Variants in HUWE1 observed in about 807,000 individuals in gnomAD.
HUWE1 encodes HECT, UBA and WWE domain containing E3 ubiquitin protein ligase 1, also known as E3 ubiquitin-protein ligase HUWE1.
In HUWE1, 18 loss-of-function variants were observed where a neutral mutation model predicts 299.4. The observed-to-expected ratio is 0.06, with a 90% CI of 0.04 to 0.09. The LOEUF (loss-of-function observed/expected upper bound fraction) is 0.09. Among genes scored for constraint, HUWE1 ranks in the 10% least tolerant of loss-of-function variants. The pLI is 1.00. For synonymous variants in HUWE1, 1,317 were observed against 1,286.1 expected (o/e 1.02, Z -0.51); for missense variants, 1,832 against 3,462.3 (o/e 0.53, Z 11.82).
chrX:53,663,624 C>T (rs983937003), intron 3 of HUWE1, among the ~76,000 whole-genome samples: 4 of 111,473 alleles, frequency 3.6e-5, no homozygotes, highest in Non-Finnish European at 5.7e-5. Flanking sequence ...CAAGTGGCTG[C>T]AAACTGTCTT....
At chrX:53,578,924 G>A (rs1556963182) in intron 43 of HUWE1, among the ~76,000 whole-genome samples, 3 of 73,797 alleles carry the variant, frequency 4.1e-5, no homozygotes, top group East Asian at 9.6e-4. Context: ...CCCCCCGCCT[G>A]GCCAGCCGCC....
chrX:53,655,346 T>C (rs994481496), intron 3 of HUWE1, among the ~76,000 whole-genome samples: 1 of 111,340 alleles, frequency 9.0e-6, no homozygotes, highest in African/African-American at 3.3e-5. Context: ...AAATAGCGTG[T>C]ATTTGCCTGT....
In HUWE1 at chrX:53,568,780, T is replaced by C; in HGVS notation, c.6619A>G (p.Asn2207Asp). Residue 2207 changes from asparagine (N) to aspartate (D), a missense_variant, in exon 49 of 84, where the codon AAT becomes GAT. Coordinates refer to ENST00000262854, the MANE Select transcript of HUWE1 (RefSeq NM_031407.7). ...AGCCGAATGATGTTGTTCATGCCAT[T>C]GTGCTGGGTCTTCGCTGTGGCACTG... is the stretch of plus-strand genomic sequence containing the variant. The part of the protein sequence containing the change: ...YSSATAKTQH[N>D]GMNNIIRLFL... The C allele has an allele frequency of 8.3e-7, 1 of 1,210,512 alleles. No individual in the cohort carries two copies. The highest frequency in any genetic ancestry group is 1.1e-6 in the Non-Finnish European group (1 of 894,573).
chrX:53,554,894 G>C lies in HUWE1; in HGVS notation c.8233C>G (p.Pro2745Ala). ...GCATCAGTTGAAGATGGGGTTGTTG[G>C]GTAGCTGTCAGGCATAGGCGTCCCA... ...SDGTPMPDSYPTTPSSTDAAT... is the reference protein window; with the variant it reads ...SDGTPMPDSYATTPSSTDAAT... Residue 2745 changes from proline to alanine, a missense_variant, in exon 61 of 84, where the codon CCA (proline) becomes GCA (alanine). By Grantham distance (27) the Pro-to-Ala change is conservative (BLOSUM62 -1). Transcript: ENST00000262854. 2 of 1,186,610 alleles carry C rather than the reference G, an allele frequency of 1.7e-6. No homozygotes were observed. Among genetic ancestry groups the C allele is most frequent in the Non-Finnish European group, 2.3e-6 (2 of 880,674 alleles).
At chrX:53,566,133 G>GTA (rs71830310) in intron 49 of HUWE1, among the ~76,000 whole-genome samples, 168 of 38,958 alleles carry the variant, frequency 4.3e-3, no homozygotes, top group African/African-American at 4.8e-3. Flanking sequence ...GTGTGTGTGT[G>GTA]TATATATATA....
At chrX:53,674,952 G>C (rs2069741926) in intron 3 of HUWE1, among the ~76,000 whole-genome samples, 1 of 111,810 alleles carries the variant, frequency 8.9e-6, no homozygotes, top group Admixed American at 9.5e-5. Flanking sequence ...CCTTATCTTC[G>C]TACTTTACAA....
At chrX:53,572,995 C>G (rs2062909344) in intron 47 of HUWE1, among the ~76,000 whole-genome samples, 1 of 111,033 alleles carries the variant, frequency 9.0e-6, no homozygotes, top group Non-Finnish European at 1.9e-5. Context: ...GTCTTAATTT[C>G]CTTTTTCATC....
chrX:53,651,194 C>A (rs1413525595), intron 4 of HUWE1, among the ~76,000 whole-genome samples: 1 of 108,016 alleles, frequency 9.3e-6, no homozygotes, highest in African/African-American at 3.4e-5. Flanking sequence ...AAAAACTGCA[C>A]GTAATTCATG....
chrX:53,545,126 C>T lies in HUWE1; in HGVS notation c.10951G>A (p.Glu3651Lys), dbSNP rs1369901507. ...LLAELREYNL[E>K]QQRRAQCETL... ...TCACATTGGGCTCGCCGCTGCTGCT[C>T]GAGGTTGTATTCCCGCAGCTCGGCC... The change falls in exon 71 of 84, where the codon GAG becomes AAG. Residue 3651 changes from glutamate (E) to lysine (K), a missense_variant. Physicochemically the swap from Glu to Lys is moderately conservative, Grantham distance 56. Around this residue, in one of 15 missense-constraint regions of HUWE1, gnomAD observed 48 missense variants for 87.0 expected, o/e 0.55. Transcript: ENST00000262854. 1.7e-6 allele frequency: 2 copies of T among 1,210,108 alleles called. No individual in the cohort carries two copies. Among genetic ancestry groups the T allele is most frequent in the East Asian group, 3.0e-5 (1 of 33,786 alleles).
At position 53,606,159 on chromosome X, in the gene HUWE1, G is replaced by C. The variant is rs182636934; in HGVS notation, c.2497-1325C>G. ...TGTTTGTGAATCCAAAGACAACCAAGAAAAGGCAACTCACAGAACAGGAAA... is the reference window on the plus strand; with the variant it reads ...TGTTTGTGAATCCAAAGACAACCAACAAAAGGCAACTCACAGAACAGGAAA... On this transcript the variant is annotated intron_variant, in intron 25 of 83. Coordinates refer to ENST00000262854, the MANE Select transcript of HUWE1 (RefSeq NM_031407.7). Among the ~76,000 whole-genome samples, 14 of 111,908 alleles carry C rather than the reference G, an allele frequency of 1.3e-4. No homozygotes were observed. In the East Asian group the frequency reaches 3.6e-3, roughly 29 times the overall value.
At chrX:53,586,385 G>A in intron 39 of HUWE1, 105 bp downstream of exon 39, 1 of 536,730 alleles carries the variant, frequency 1.9e-6, no homozygotes, top group Non-Finnish European at 3.3e-6. Flanking sequence ...TTATACATTG[G>A]TCAGAGACTT....
At position 53,617,337 on chromosome X, in the gene HUWE1, T is replaced by C. The variant is rs782678411; in HGVS notation, c.1779+3A>G. On this transcript the variant is annotated splice_donor_region_variant and intron_variant, in intron 20 of 83. Transcript: ENST00000262854. Reference sequence around the variant, plus strand: ...TCTTTACAGAGTAGCAGAAAAGACTTACATCTTTGATAAGCAGTGCATGCA... The same window carrying C: ...TCTTTACAGAGTAGCAGAAAAGACTCACATCTTTGATAAGCAGTGCATGCA... The C allele has an allele frequency of 6.9e-6, 8 of 1,154,606 alleles. No individual in the cohort carries two copies. In the South Asian group the frequency reaches 1.1e-4, roughly 16 times the overall value.
rs368688399 is a variant in HUWE1, at chrX:53,584,998, G to A, written c.5001+14C>T. The A allele has an allele frequency of 4.1e-6, 5 of 1,209,478 alleles. No individual in the cohort carries two copies. The African/African-American group carries it at 8.7e-5, about 21-fold the overall frequency. ...GGTCCACGGGTTAGACAAGCTTGGT[G>A]AGTGAGCATGTACCTGCACCATTGT... On this transcript the variant is annotated intron_variant, in intron 40 of 83. Transcript: ENST00000262854.
chrX:53,574,046 T>C (rs2066199556), intron 46 of HUWE1, 82 bp from the exon 47 acceptor site: 2 of 855,271 alleles, frequency 2.3e-6, no homozygotes, highest in East Asian at 3.1e-5. Flanking sequence ...AGAATGCTAT[T>C]TCTCCTCCAC....
intron 74 of HUWE1, among the ~76,000 whole-genome samples, chrX:53,541,640 G>A (rs1343626129): frequency 1.8e-5 from 2 of 111,114 alleles, no homozygotes; most frequent in African/African-American, 6.6e-5. Context: ...TGAAGTGAGA[G>A]GATGGCTTGA....
chrX:53,656,308 G>A (rs7891625), intron 3 of HUWE1, among the ~76,000 whole-genome samples: 18,589 of 108,853 alleles, frequency 0.17, 3,906 homozygotes, highest in African/African-American at 0.58. Context: ...ACTAGGAGGC[G>A]GAGGTTGCAG....
intron 31 of HUWE1, among the ~76,000 whole-genome samples, chrX:53,594,273 G>C (rs2064332321): frequency 8.9e-6 from 1 of 111,871 alleles, no homozygotes; most frequent in Admixed American, 9.4e-5. Context: ...ATGAGAAAAA[G>C]CAGAGACCCT....
intron 39 of HUWE1, among the ~76,000 whole-genome samples, chrX:53,586,066 A>C (rs868921924): frequency 8.9e-6 from 1 of 112,328 alleles, no homozygotes; most frequent in Middle Eastern, 4.6e-3. Flanking sequence ...CTAGACAAAA[A>C]AACTATCTAC....
intron 17 of HUWE1, 126 bp downstream of exon 17, chrX:53,627,284 T>C: frequency 2.4e-6 from 1 of 424,792 alleles, no homozygotes; most frequent in Non-Finnish European, 4.1e-6. Context: ...AAAAAAAATT[T>C]TTGTTGCTGA....
Sources: allele counts gnomAD v4.1 joint callset (sites outside exome capture counted in the v4.1 genomes callset), GRCh38; gene constraint gnomAD v4.1.1; regional missense constraint gnomAD v4.1.1; transcripts MANE v1.5; gene names NCBI Gene and HGNC (gene_info 2026-07-23, HGNC 2026-07-21).